SDK1: variants seen among roughly 807,000 people sequenced by gnomAD.
SDK1 encodes the protein sidekick cell adhesion molecule 1.
A neutral mutation model predicts 245.5 loss-of-function variants in SDK1; 157 were observed. The observed-to-expected ratio is 0.64, with a 90% CI of 0.56 to 0.73. The LOEUF (loss-of-function observed/expected upper bound fraction) is 0.73, where lower values mean the gene tolerates loss of function less well. Among genes scored for constraint, SDK1 ranks in the 30% least tolerant of loss-of-function variants. The pLI, the probability that SDK1 is intolerant of heterozygous loss-of-function variation, is 0.00. For synonymous variants in SDK1, 1,647 were observed against 1,278.5 expected (o/e 1.29, Z -6.15); for missense variants, 3,583 against 3,002.3 (o/e 1.19, Z -4.52).
chr7:3,548,222 A>T (rs939681669), intron 1 of SDK1, among the ~76,000 whole-genome samples: 2 of 152,262 alleles, frequency 1.3e-5, no homozygotes, highest in African/African-American at 2.4e-5. Context: ...AACTCAGTTC[A>T]TGGAAGGTGG....
chr7:3,809,939 G>A (rs922305385), intron 4 of SDK1, among the ~76,000 whole-genome samples: 8 of 152,204 alleles, frequency 5.3e-5, no homozygotes, highest in Admixed American at 1.3e-4. Flanking sequence ...CTGGGCCAAC[G>A]CTTCTCTGCA....
chr7:4,127,428 A>G lies in SDK1; in HGVS notation c.3871A>G (p.Thr1291Ala). 6.2e-7 allele frequency: 1 copy of G among 1,614,156 alleles called. No homozygotes were observed. The highest frequency in any genetic ancestry group is 8.5e-7 in the Non-Finnish European group (1 of 1,180,010). ...CGTGTCAGCCGAGGCTGTCAGCTCGACCCAGATTTTACTGACATGGACATC... is the reference window on the plus strand; with the variant it reads ...CGTGTCAGCCGAGGCTGTCAGCTCGGCCCAGATTTTACTGACATGGACATC... ...ENVSAEAVSS[T>A]QILLTWTSVP... The change falls in exon 26 of 45, where the codon ACC becomes GCC. Residue 1291 changes from threonine to alanine, a missense_variant. Thr to Ala is a moderately conservative substitution (Grantham distance 58). Transcript: ENST00000404826.
At chr7:3,683,880 G>T (rs375476912) in intron 4 of SDK1, among the ~76,000 whole-genome samples, 19 of 152,198 alleles carry the variant, frequency 1.2e-4, no homozygotes, top group East Asian at 9.6e-4. Flanking sequence ...CAGGCATAGG[G>T]CTGGGCAAAT....
At chr7:3,903,360 G>T (rs926425066) in intron 5 of SDK1, among the ~76,000 whole-genome samples, 1 of 152,034 alleles carries the variant, frequency 6.6e-6, no homozygotes, top group African/African-American at 2.4e-5. Context: ...AGCCAGGATG[G>T]TCTCGATCAT....
intron 41 of SDK1, among the ~76,000 whole-genome samples, chr7:4,233,974 G>A (rs779552448): frequency 6.6e-6 from 1 of 152,170 alleles, no homozygotes. Context: ...TGTCCCCTCC[G>A]CAACAAAATC....
intron 4 of SDK1, among the ~76,000 whole-genome samples, chr7:3,787,026 A>G (rs985178151): frequency 1.3e-5 from 2 of 151,976 alleles, no homozygotes; most frequent in African/African-American, 4.8e-5. Flanking sequence ...TTCCCCATAC[A>G]CTTTAGTGGT....
At chr7:3,550,515 C>T (rs1294050097) in intron 1 of SDK1, among the ~76,000 whole-genome samples, 1 of 152,166 alleles carries the variant, frequency 6.6e-6, no homozygotes, top group Non-Finnish European at 1.5e-5. Flanking sequence ...CATTGCTGCT[C>T]CTGTGCTGAC....
chr7:4,050,261 C>T (rs1034543054), intron 18 of SDK1, among the ~76,000 whole-genome samples: 26 of 152,188 alleles, frequency 1.7e-4, no homozygotes, highest in African/African-American at 6.3e-4. Context: ...TCTTTTCCCA[C>T]AATTTGCATT....
intron 1 of SDK1, 142 bp downstream of exon 1, chr7:3,302,026 G>T: frequency 5.7e-6 from 3 of 524,074 alleles, no homozygotes; most frequent in Non-Finnish European, 7.6e-6. Flanking sequence ...AGGGAGCCCA[G>T]GGGCTCCTCC....
chr7:4,001,412 T>C (rs1785063801), intron 14 of SDK1, among the ~76,000 whole-genome samples: 1 of 152,150 alleles, frequency 6.6e-6, no homozygotes, highest in Non-Finnish European at 1.5e-5. Flanking sequence ...GTGTCTCCCC[T>C]TGGGTCCAGG....
chr7:3,940,651 CG>C (rs1200119025), intron 5 of SDK1, among the ~76,000 whole-genome samples: 3 of 151,760 alleles, frequency 2.0e-5, no homozygotes, highest in Non-Finnish European at 2.9e-5. Context: ...GATGAAACCC[CG>C]TCTACTAAAA....
intron 4 of SDK1, among the ~76,000 whole-genome samples, chr7:3,734,193 T>G (rs1035557178): frequency 1.3e-5 from 2 of 152,170 alleles, no homozygotes; most frequent in African/African-American, 2.4e-5. Context: ...ATTAAAACCA[T>G]AGTTGTTCTT....
intron 1 of SDK1, among the ~76,000 whole-genome samples, chr7:3,345,143 C>G (rs1780459802): frequency 6.6e-6 from 1 of 152,200 alleles, no homozygotes; most frequent in South Asian, 2.1e-4. Flanking sequence ...TTGAAGTACA[C>G]AGAGGGCATG....
intron 1 of SDK1, among the ~76,000 whole-genome samples, chr7:3,343,172 TATCTC>T (rs1780394914): frequency 6.6e-6 from 1 of 152,188 alleles, no homozygotes; most frequent in South Asian, 2.1e-4. Flanking sequence ...CTTGGATAGT[TATCTC>T]AGAGAAATGA....
intron 22 of SDK1, among the ~76,000 whole-genome samples, chr7:4,093,675 G>A (rs1183291346): frequency 6.6e-6 from 1 of 152,208 alleles, no homozygotes; most frequent in Non-Finnish European, 1.5e-5. Flanking sequence ...GCTGCCGGCG[G>A]CGTCGACAGC....
At chr7:4,128,581 TAGAGG>T (rs551142840) in intron 26 of SDK1, among the ~76,000 whole-genome samples, 2 of 55,098 alleles carry the variant, frequency 3.6e-5, no homozygotes, top group African/African-American at 7.0e-5. Flanking sequence ...GAGGAGAGCA[TAGAGG>T]AGAGCAGCTT....
rs376902677 is a variant in SDK1, at chr7:3,656,086, G to A, written c.713+13981G>A. 2.6e-5 allele frequency among the ~76,000 whole-genome samples: 4 copies of A among 152,156 alleles called. No individual in the cohort carries two copies. In the East Asian group the frequency reaches 5.8e-4, roughly 22 times the overall value. ...ACATGAGCACACATTAGTATTCACA[G>A]CCAGCTGTTTCTCAGCTCATTTGGA... On this transcript the variant is annotated intron_variant, in intron 4 of 44. Transcript: ENST00000404826.
intron 1 of SDK1, among the ~76,000 whole-genome samples, chr7:3,447,024 A>C (rs1780361894): frequency 6.6e-6 from 1 of 152,176 alleles, no homozygotes; most frequent in Admixed American, 6.5e-5. Context: ...AGTGGGCTTT[A>C]GGTTTCTATT....
At chr7:3,900,477 T>C (rs1781749341) in intron 5 of SDK1, among the ~76,000 whole-genome samples, 1 of 152,212 alleles carries the variant, frequency 6.6e-6, no homozygotes. Context: ...CCAGTGTGTT[T>C]AACTCATCAT....
Sources: allele counts gnomAD v4.1 joint callset (sites outside exome capture counted in the v4.1 genomes callset), GRCh38; gene constraint gnomAD v4.1.1; transcripts MANE v1.5; gene names NCBI Gene and HGNC (gene_info 2026-07-23, HGNC 2026-07-21).